The following MTHFSD variants were observed in gnomAD, a reference collection of about 807,000 sequenced individuals.
MTHFSD encodes methenyltetrahydrofolate synthase domain-containing protein.
Under a neutral mutation model 31.1 loss-of-function variants are expected in MTHFSD, and 37 were observed. That is an observed-to-expected ratio of 1.19 (90% CI 0.91 to 1.56). MTHFSD has a LOEUF of 1.56. MTHFSD is among the 40% of genes most tolerant of loss of function. MTHFSD has a pLI of 0.00. For missense variants in MTHFSD, 664 were observed against 510.1 expected (o/e 1.30, Z -2.91); for synonymous variants, 221 against 206.9 (o/e 1.07, Z -0.59).
At chr16:86,554,854 G>A (rs1002054553) in intron 1 of MTHFSD, 103 bp from the exon 2 acceptor site, 3 of 1,121,700 alleles carry the variant, frequency 2.7e-6, no homozygotes, top group Middle Eastern at 2.0e-4. Flanking sequence ...AGGTCAAACC[G>A]GCTTCCGATC....
At chr16:86,540,879 G>A (rs1370160370) in intron 7 of MTHFSD, 2 of 1,109,406 alleles carry the variant, frequency 1.8e-6, no homozygotes, top group Non-Finnish European at 2.2e-6. Context: ...CCCCAGCAGT[G>A]CCTGCCCAGG....
At chr16:86,534,794 C>CGTGGG (rs1351604044) in intron 7 of MTHFSD, among the ~76,000 whole-genome samples, 1 of 144,248 alleles carries the variant, frequency 6.9e-6, no homozygotes, top group African/African-American at 2.7e-5. Flanking sequence ...GAGAGCATCC[C>CGTGGG]GTGGGGTGGG....
intron 7 of MTHFSD, chr16:86,535,467 C>T (rs1453034515): frequency 2.0e-6 from 2 of 985,222 alleles, no homozygotes; most frequent in Admixed American, 6.2e-5. Flanking sequence ...CATGGCAGTG[C>T]TACTGTTTCC....
rs369644027 is a variant in MTHFSD at position 86,532,184 on chromosome 16, G to A, written c.979C>T (p.Arg327Trp). 29 of 1,577,504 alleles carry A rather than the reference G, an allele frequency of 1.8e-5. No homozygotes were observed. Among genetic ancestry groups the A allele is most frequent in the Middle Eastern group, 1.7e-4 (1 of 5,916 alleles). The change falls in exon 8 of 8, where the codon CGG becomes TGG. Residue 327 changes from arginine to tryptophan, a missense_variant. Transcript: ENST00000360900. ...CGCAGGGGCACGGAGCCGAGTTCCC[G>A]CAGGGCTCTCTTCAGGTCACTCACA... ...ARVSDLKRAL[R>W]ELGSVPLRLT...
intron 3 of MTHFSD, among the ~76,000 whole-genome samples, chr16:86,550,573 T>C (rs947812054): frequency 6.6e-6 from 1 of 152,170 alleles, no homozygotes; most frequent in East Asian, 1.9e-4. Context: ...AGCCTCTCTG[T>C]CTCTGGTTTC....
rs1415394523 is a variant in MTHFSD, at chr16:86,546,508, C to T, written c.442+51G>A. On this transcript the variant is annotated intron_variant, in intron 5 of 7. Transcript: ENST00000360900. ...AAAGACAAACAGCCTGGCACGCAGC[C>T]GCCTTCAGGCAGAGCTGTCACACTC... 9.9e-6 allele frequency: 15 copies of T among 1,520,838 alleles called. No individual in the cohort carries two copies. In the Admixed American group the frequency reaches 1.3e-4, roughly 14 times the overall value. The allele number at this position is 1,520,838 out of a possible 1,614,324, so 94.2% of individuals were successfully genotyped here.
Position 86,532,362 on chromosome 16 carries a change from GCAGCCTGGTTCCGGAAGGTGCTGGTGCT to G in MTHFSD, c.773_800del (p.Glu258AlafsTer7). On this transcript the variant is annotated frameshift_variant, in exon 8 of 8. Coordinates refer to ENST00000360900, the MANE Select transcript of MTHFSD (RefSeq NM_001159377.2). LOFTEE classifies it low-confidence loss of function (END_TRUNC). Reference sequence around the variant, plus strand: ...CAACACTCAGGGGCACTGTCTGCTGGCAGCCTGGTTCCGGAAGGTGCTGGTGCTCACCCTGGAGGGTGACATCCTTCCC... The same window carrying G: ...CAACACTCAGGGGCACTGTCTGCTGGCACCCTGGAGGGTGACATCCTTCCC... 1 of 1,584,896 alleles carries G rather than the reference GCAGCCTGGTTCCGGAAGGTGCTGGTGCT, an allele frequency of 6.3e-7. No individual in the cohort carries two copies. Among genetic ancestry groups the G allele is most frequent in the South Asian group, 1.2e-5 (1 of 86,688 alleles).
At position 86,554,745 on chromosome 16, in the gene MTHFSD, A is replaced by G. The variant is rs760671587; in HGVS notation, c.23T>C (p.Val8Ala). The G allele has an allele frequency of 1.2e-5, 20 of 1,612,328 alleles. No homozygotes were observed. Among genetic ancestry groups the G allele is most frequent in the Non-Finnish European group, 1.7e-5 (20 of 1,178,754 alleles). Residue 8 changes from valine to alanine, a missense_variant, in exon 2 of 8, where the codon GTC (valine) becomes GCC (alanine). By Grantham distance (64) the Val-to-Ala change is moderately conservative. Coordinates refer to ENST00000360900, the MANE Select transcript of MTHFSD (RefSeq NM_001159377.2). The stretch of plus-strand genomic sequence containing the variant: ...TTGTTCACGTATGTCCTGTTTGGAG[A>G]CACCTACTGCAACAAAAGATTCCCA... MEPRAVG[V>A]SKQDIREQIW...
intron 5 of MTHFSD, among the ~76,000 whole-genome samples, chr16:86,545,210 TAAAAA>T (rs533323958): frequency 3.4e-5 from 5 of 149,114 alleles, no homozygotes; most frequent in African/African-American, 1.2e-4. Flanking sequence ...TCCCGGAACT[TAAAAA>T]AAAAAGATAT....
intron 2 of MTHFSD, among the ~76,000 whole-genome samples, chr16:86,552,850 T>C (rs1159870389): frequency 6.6e-6 from 1 of 152,176 alleles, no homozygotes; most frequent in Admixed American, 6.5e-5. Flanking sequence ...GGAGAGGCAG[T>C]CCTGACAAAA....
rs1053466198 is a variant in MTHFSD, at chr16:86,530,682, TGAG to T, written c.*1326_*1328del. The T allele has an allele frequency of 2.3e-4, 34 of 150,862 alleles. No individual in the cohort carries two copies. The highest frequency in any genetic ancestry group is 6.1e-4 in the African/African-American group (25 of 40,908). 9.3% of individuals were successfully genotyped at this position (150,862 alleles called of 1,614,324 possible). On this transcript the variant is annotated 3_prime_UTR_variant, in exon 8 of 8. Transcript: ENST00000360900. ...TTTTAAAAAAAGAGAGAAAAGAAGG[TGAG>T]GAGTTCAGTGTAACCAGGTGACTAC...
At position 86,552,020 on chromosome 16, in the gene MTHFSD, G is replaced by A; in HGVS notation, c.237+13C>T. The A allele has an allele frequency of 6.2e-7, 1 of 1,614,122 alleles. No individual in the cohort carries two copies. The highest frequency in any genetic ancestry group is 1.7e-5 in the Admixed American group (1 of 60,030). On this transcript the variant is annotated intron_variant, in intron 3 of 7. Transcript: ENST00000360900. ...CGGCCAGGTCTCGGCTCGGCTCAGG[G>A]AAGTGGAATTACCTGCAGCACCAGC...
intron 6 of MTHFSD, 80 bp from the exon 7 acceptor site, chr16:86,541,902 T>C: frequency 6.3e-7 from 1 of 1,575,006 alleles, no homozygotes; most frequent in Non-Finnish European, 8.7e-7. Context: ...GGTGGGAACG[T>C]GAGGCTGGCT....
intron 2 of MTHFSD, among the ~76,000 whole-genome samples, chr16:86,554,443 G>A (rs1169315055): frequency 3.3e-5 from 5 of 152,182 alleles, no homozygotes; most frequent in Non-Finnish European, 7.3e-5. Flanking sequence ...CCTGCACAGA[G>A]ACGCAAGAGG....
chr16:86,539,002 T>G (rs1352739680), intron 7 of MTHFSD, among the ~76,000 whole-genome samples: 1 of 152,132 alleles, frequency 6.6e-6, no homozygotes, highest in Non-Finnish European at 1.5e-5. Context: ...AAGCAGAGCC[T>G]TCTGGGGAAT....
intron 7 of MTHFSD, among the ~76,000 whole-genome samples, chr16:86,534,311 G>T (rs1335188591): frequency 6.6e-6 from 1 of 152,196 alleles, no homozygotes; most frequent in Admixed American, 6.5e-5. Flanking sequence ...ATCTTCAGCC[G>T]ATTGTATATT....
chr16:86,546,409 C>A (rs764125730), intron 5 of MTHFSD, 150 bp downstream of exon 5: 4 of 687,004 alleles, frequency 5.8e-6, no homozygotes, highest in Non-Finnish European at 1.0e-5. Context: ...GCCAATTCTT[C>A]ACCTCTGAAA....
At chr16:86,554,967 T>TC in intron 1 of MTHFSD, 1 of 1,300,916 alleles carries the variant, frequency 7.7e-7, no homozygotes, top group Admixed American at 2.9e-5. Flanking sequence ...TCTTTATTTT[T>TC]CCTGACATCT....
intron 5 of MTHFSD, among the ~76,000 whole-genome samples, chr16:86,544,635 G>C (rs998519094): frequency 6.6e-6 from 1 of 152,176 alleles, no homozygotes; most frequent in Non-Finnish European, 1.5e-5. Flanking sequence ...AACCATTATG[G>C]AAGACAGTGT....
Sources: gnomAD v4.1 joint callset for allele counts (sites outside exome capture counted in the v4.1 genomes callset) on GRCh38, gnomAD v4.1.1 for gene constraint, MANE v1.5 for transcripts, NCBI Gene and HGNC (gene_info 2026-07-23, HGNC 2026-07-21) for gene names.